Variants in LAMB2 observed in about 807,000 individuals in gnomAD.
The protein encoded by LAMB2 is laminin subunit beta 2.
In LAMB2, 119 loss-of-function variants were observed where a neutral mutation model predicts 202.7. The ratio of observed to expected loss-of-function variants is 0.59; its 90% CI spans 0.51 to 0.68. LAMB2 has a LOEUF of 0.68. LAMB2 is among the 30% of genes least tolerant of loss of function. The pLI is 0.00. For missense variants in LAMB2, 2,124 were observed against 2,410.6 expected, an observed-to-expected ratio of 0.88 and a Z score of 2.49; for synonymous variants, 818 against 902.2, an observed-to-expected ratio of 0.91 and a Z score of 1.67.
chr3:49,126,687 A>T (rs1307495688), intron 15 of LAMB2, among the ~76,000 whole-genome samples, 190 bp from the exon 16 acceptor site: 1 of 152,210 alleles, frequency 6.6e-6, no homozygotes, highest in Non-Finnish European at 1.5e-5. Context: ...GAATAGTCTC[A>T]TAAAGGTGGC....
intron 30 of LAMB2, 44 bp downstream of exon 30, chr3:49,121,640 A>G (rs767866657): frequency 4.3e-6 from 7 of 1,613,844 alleles, no homozygotes; most frequent in African/African-American, 1.3e-5. Flanking sequence ...GTGGAGGCCC[A>G]TCTTCCACCC....
chr3:49,132,433 G>A lies in LAMB2; in HGVS notation c.250-28C>T, dbSNP rs1282808815. On this transcript the variant is annotated intron_variant, in intron 2 of 31. Coordinates refer to ENST00000305544, the MANE Select transcript of LAMB2 (RefSeq NM_002292.4). This position sits in a 1 kb window ranked among gnomAD's most constrained non-coding sequence, Gnocchi z 4.6. ...GGGTTGGATGGGGATTAGAATCAGT[G>A]CCTCAGGCAGTGCCAGCCCCACCCT... 3 of 1,614,110 alleles carry A rather than the reference G, an allele frequency of 1.9e-6. No individual in the cohort carries two copies. Among genetic ancestry groups the A allele is most frequent in the Non-Finnish European group, 2.5e-6 (3 of 1,180,046 alleles).
chr3:49,130,683 C>T lies in LAMB2; in HGVS notation c.1036+57G>A. On this transcript the variant is annotated intron_variant, in intron 8 of 31. Transcript: ENST00000305544. This position sits in a 1 kb window ranked among gnomAD's most constrained non-coding sequence, Gnocchi z 5.0. ...TTGACCAACTAGCTCTAGGTTCTAC[C>T]CAGGGCACAGCCAGGCTGCAGAGTG... 2 of 1,610,444 alleles carry T rather than the reference C, an allele frequency of 1.2e-6. No homozygotes were observed. Among genetic ancestry groups the T allele is most frequent in the Non-Finnish European group, 1.7e-6 (2 of 1,179,732 alleles).
chr3:49,121,954 G>T lies in LAMB2; in HGVS notation c.4913C>A (p.Thr1638Asn). The change falls in exon 29 of 32, where the codon ACC becomes AAC. Residue 1638 changes from threonine (T) to asparagine (N), a missense_variant. Thr to Asn is a moderately conservative substitution (Grantham distance 65, BLOSUM62 0). This residue lies in a region of LAMB2 where 1,702 missense variants were observed against 1,896.3 expected (regional missense o/e 0.90). Coordinates refer to ENST00000305544, the MANE Select transcript of LAMB2 (RefSeq NM_002292.4). ...AVADTRDTEQ[T>N]LYQVQERMAG... ...CTAGGAAGACCTCACCTGGTACAGGGTCTGCTCTGTGTCCCGTGTGTCAGC... is the reference window on the plus strand; with the variant it reads ...CTAGGAAGACCTCACCTGGTACAGGTTCTGCTCTGTGTCCCGTGTGTCAGC... 1.2e-6 allele frequency: 2 copies of T among 1,613,958 alleles called. No individual in the cohort carries two copies. Among genetic ancestry groups the T allele is most frequent in the African/African-American group, 1.3e-5 (1 of 75,044 alleles).
Position 49,129,673 on chromosome 3 carries a change from A to G in LAMB2, c.1449T>C (p.Pro483=). ...NARGTVPGST[P]CDPNSGSCYC... ...AACAGGATCCACTGTTGGGGTCACA[A>G]GGAGTGCTCCCAGGCACTGTGCCCC... Residue 483 remains proline, a synonymous_variant, in exon 11 of 32, where the codon CCT becomes CCC. Transcript: ENST00000305544. The surrounding 1 kb of genome is among the most constrained non-coding windows in gnomAD (Gnocchi z 6.1). The G allele has an allele frequency of 4.3e-6, 7 of 1,614,158 alleles. No individual in the cohort carries two copies. Among genetic ancestry groups the G allele is most frequent in the Non-Finnish European group, 5.1e-6 (6 of 1,179,992 alleles).
rs758381807 is a variant in LAMB2 at position 49,125,806 on chromosome 3, C to T, written c.2429G>A (p.Gly810Glu). 66 of 1,613,998 alleles carry T rather than the reference C, an allele frequency of 4.1e-5. No individual in the cohort carries two copies. Among genetic ancestry groups the T allele is most frequent in the Non-Finnish European group, 5.5e-5 (65 of 1,180,020 alleles). The change falls in exon 18 of 32, where the codon GGG (glycine) becomes GAG (glutamate). Residue 810 changes from glycine (G) to glutamate (E), a missense_variant. Physicochemically the swap from Gly to Glu is moderately conservative, Grantham distance 98 (BLOSUM62 -2). Coordinates refer to ENST00000305544, the MANE Select transcript of LAMB2 (RefSeq NM_002292.4). ...GQCLCKPGVVGRRCDLCAPGY... is the reference protein window; with the variant it reads ...GQCLCKPGVVERRCDLCAPGY... ...AGGGGCACAGAGGTCACAGCGGCGC[C>T]CAACCACTCCAGGCTTGCACAGGCA...
At position 49,121,875 on chromosome 3, in the gene LAMB2, C is replaced by T; in HGVS notation, c.4924-15G>A. 6.2e-7 allele frequency: 1 copy of T among 1,613,322 alleles called. No individual in the cohort carries two copies. The highest frequency in any genetic ancestry group is 8.5e-7 in the Non-Finnish European group (1 of 1,180,020). On this transcript the variant is annotated splice_polypyrimidine_tract_variant and intron_variant, in intron 29 of 31. Coordinates refer to ENST00000305544, the MANE Select transcript of LAMB2 (RefSeq NM_002292.4). ...CTCTCCTGTACCTGCCATGGGTGAG[C>T]CAAAGGTTACACAGATCTACGGTTC...
rs2045464998 is a variant in LAMB2, at chr3:49,130,058, C to T, written c.1226-40G>A. On this transcript the variant is annotated intron_variant, in intron 9 of 31. Transcript: ENST00000305544. This position sits in a 1 kb window ranked among gnomAD's most constrained non-coding sequence, Gnocchi z 5.0. ...AGATACAGGGTCACTCACCCTATCT[C>T]AACTAGCTCACTGCCAGTCCTCTCC... 5.6e-6 allele frequency: 9 copies of T among 1,607,052 alleles called. No homozygotes were observed. Among genetic ancestry groups the T allele is most frequent in the Non-Finnish European group, 7.7e-6 (9 of 1,174,140 alleles).
At chr3:49,123,683 G>A in intron 24 of LAMB2, 45 bp downstream of exon 24, 1 of 1,613,718 alleles carries the variant, frequency 6.2e-7, no homozygotes. Flanking sequence ...CTGGTCCACT[G>A]GGCCTCTGCC....
At position 49,121,584 on chromosome 3, in the gene LAMB2, G is replaced by A. The variant is rs151292828; in HGVS notation, c.5109C>T (p.Arg1703=). 1.6e-4 allele frequency: 258 copies of A among 1,613,830 alleles called. 1 individual carries two copies. The highest frequency in any genetic ancestry group is 6.6e-4 in the Middle Eastern group (4 of 6,084). The change falls in exon 31 of 32, where the codon CGC becomes CGT. Residue 1703 remains arginine, a synonymous_variant. Transcript: ENST00000305544. ...TCTGGTACTGATCACCCAGAGGACC[G>A]CGTAGCAGCTGCAGATGTAGAGGGT... ...GRAQEAEQLL[R]GPLGDQYQTV... is the part of the protein sequence containing the mutation.
At position 49,122,033 on chromosome 3, in the gene LAMB2, C is replaced by T; in HGVS notation, c.4834G>A (p.Glu1612Lys). The T allele has an allele frequency of 6.2e-7, 1 of 1,613,760 alleles. No individual in the cohort carries two copies. The highest frequency in any genetic ancestry group is 8.5e-7 in the Non-Finnish European group (1 of 1,180,036). ...ATACCCTGTGCCCGCTGGGCCTCCTCCAGTGCTGCCTGTACTGTCTCTGCC... is the reference window on the plus strand; with the variant it reads ...ATACCCTGTGCCCGCTGGGCCTCCTTCAGTGCTGCCTGTACTGTCTCTGCC... ...QKAETVQAALEEAQRAQGIAQ... is the reference protein window; with the variant it reads ...QKAETVQAALKEAQRAQGIAQ... Residue 1612 changes from glutamate (E) to lysine (K), a missense_variant, in exon 29 of 32, where the codon GAG becomes AAG. Glu to Lys is a moderately conservative substitution (Grantham distance 56). Transcript: ENST00000305544.
rs776475446 is a variant in LAMB2 at position 49,130,448 on chromosome 3, G to C, written c.1037-29C>G. On this transcript the variant is annotated intron_variant, in intron 8 of 31. Coordinates refer to ENST00000305544, the MANE Select transcript of LAMB2 (RefSeq NM_002292.4). This position sits in a 1 kb window ranked among gnomAD's most constrained non-coding sequence, Gnocchi z 5.0. ...GCAGGGGAGGAAGGGCAGGGCAAAG[G>C]CCACATGAGGAACCAGGTCACAAGG... 3 of 1,612,814 alleles carry C rather than the reference G, an allele frequency of 1.9e-6. No homozygotes were observed. The highest frequency in any genetic ancestry group is 2.5e-6 in the Non-Finnish European group (3 of 1,179,170).
chr3:49,128,018 C>CA (rs1156873652), intron 15 of LAMB2, among the ~76,000 whole-genome samples: 3,098 of 32,578 alleles, frequency 0.095, 270 homozygotes, highest in Non-Finnish European at 0.11. Context: ...GACTCCGTCT[C>CA]AAAAAAAAAA....
In LAMB2 at chr3:49,125,268, C is replaced by A; in HGVS notation, c.2705G>T (p.Gly902Val). Reference protein sequence around the residue: ...ACLGCRDHTGGEHCERCIAGF... With the variant: ...ACLGCRDHTGVEHCERCIAGF... ...CCAGTCTCACCTTTCACAGTGCTCA[C>A]CCCCTGTGTGATCACGGCAGCCCAG... is the stretch of plus-strand genomic sequence containing the variant. The change falls in exon 19 of 32, where the codon GGT (glycine) becomes GTT (valine). Residue 902 changes from glycine to valine, a missense_variant. This residue lies in a region of LAMB2 where 1,702 missense variants were observed against 1,896.3 expected (regional missense o/e 0.90). Coordinates refer to ENST00000305544, the MANE Select transcript of LAMB2 (RefSeq NM_002292.4). The A allele has an allele frequency of 1.2e-6, 2 of 1,613,968 alleles. No homozygotes were observed. The highest frequency in any genetic ancestry group is 1.1e-5 in the South Asian group (1 of 91,084).
At chr3:49,125,591 G>A (rs903415015) in intron 18 of LAMB2, 107 bp from the exon 19 acceptor site, 1 of 1,397,438 alleles carries the variant, frequency 7.2e-7, no homozygotes, top group African/African-American at 1.4e-5. Flanking sequence ...TAGGTGGGAA[G>A]GTCAGGAAAT....
Position 49,123,014 on chromosome 3 carries a change from G to A in LAMB2, c.4263C>T (p.Ser1421=). ...GAPGDAPCAT[S]PCGGAGCRDE... Reference sequence around the variant, plus strand: ...CTCGACAGCCGGCACCCCCACAAGGGCTTGTAGCACAGGGTGCATCCCCTG... The same window carrying A: ...CTCGACAGCCGGCACCCCCACAAGGACTTGTAGCACAGGGTGCATCCCCTG... The change falls in exon 27 of 32, where the codon AGC becomes AGT. Residue 1421 remains serine, a synonymous_variant. Coordinates refer to ENST00000305544, the MANE Select transcript of LAMB2 (RefSeq NM_002292.4). 6.2e-7 allele frequency: 1 copy of A among 1,608,468 alleles called. No homozygotes were observed. Among genetic ancestry groups the A allele is most frequent in the Non-Finnish European group, 8.5e-7 (1 of 1,179,984 alleles).
At position 49,131,132 on chromosome 3, in the gene LAMB2, G is replaced by A. The variant is rs1249885469; in HGVS notation, c.733C>T (p.Leu245=). Residue 245 remains leucine, a synonymous_variant, in exon 7 of 32, where the codon CTA becomes TTA. Coordinates refer to ENST00000305544, the MANE Select transcript of LAMB2 (RefSeq NM_002292.4). The surrounding 1 kb of genome is among the most constrained non-coding windows in gnomAD (Gnocchi z 5.0). ...TGTAGACGAGTCAGGTTCACCCGTA[G>A]GTTGGTGATCTTCAACAGGTCTGAG... ...RIQNLLKITN[L]RVNLTRLHTL... 1.2e-6 allele frequency: 2 copies of A among 1,613,062 alleles called. No homozygotes were observed. The highest frequency in any genetic ancestry group is 2.2e-5 in the East Asian group (1 of 44,846).
Position 49,123,359 on chromosome 3 carries a change from T to G in LAMB2, c.3997A>C (p.Ile1333Leu), listed in dbSNP as rs1437762107. 6.2e-7 allele frequency: 1 copy of G among 1,614,012 alleles called. No individual in the cohort carries two copies. The highest frequency in any genetic ancestry group is 1.1e-5 in the South Asian group (1 of 91,084). ...GCAGACTGGCTATGGGCATGCCGGA[T>G]GCTGTCATAGGCACCTAAATTGGGC... is the stretch of plus-strand genomic sequence containing the variant. Reference protein sequence around the residue: ...HSNFLGAYDSIRHAHSQSAEA... With the variant: ...HSNFLGAYDSLRHAHSQSAEA... The change falls in exon 26 of 32, where the codon ATC becomes CTC. Residue 1333 changes from isoleucine to leucine, a missense_variant. Ile to Leu is a conservative substitution (Grantham distance 5). This residue lies in a region of LAMB2 where 1,702 missense variants were observed against 1,896.3 expected (regional missense o/e 0.90). Coordinates refer to ENST00000305544, the MANE Select transcript of LAMB2 (RefSeq NM_002292.4).
In LAMB2 at chr3:49,131,670, G is replaced by A. The variant is rs367900776; in HGVS notation, c.513C>T (p.Thr171=). The change falls in exon 5 of 32, where the codon ACC becomes ACT. Residue 171 remains threonine (T), a synonymous_variant. Transcript: ENST00000305544. This position sits in a 1 kb window ranked among gnomAD's most constrained non-coding sequence, Gnocchi z 5.0. ...AGGAGAAATATCGGTACACATGCCA[G>A]GTGCGGCCAAAGTCTGCTGAGCGTT... The part of the protein sequence containing the change: ...LVERSADFGR[T]WHVYRYFSYD... The A allele has an allele frequency of 2.5e-6, 4 of 1,613,660 alleles. No homozygotes were observed. The highest frequency in any genetic ancestry group is 3.4e-6 in the Non-Finnish European group (4 of 1,180,042).
Sources: gnomAD v4.1 joint callset for allele counts (sites outside exome capture counted in the v4.1 genomes callset) on GRCh38, gnomAD v4.1.1 for gene constraint, gnomAD v4.1.1 regional missense constraint, Gnocchi (gnomAD v3.1) non-coding constraint, MANE v1.5 for transcripts, NCBI Gene and HGNC (gene_info 2026-07-23, HGNC 2026-07-21) for gene names.